NIM1K: variants seen among roughly 807,000 people sequenced by gnomAD.
NIM1K encodes serine/threonine-protein kinase NIM1.
NIM1K carries 35 observed loss-of-function variants against 37.1 expected under a neutral mutation model. The observed-to-expected ratio is 0.94, with a 90% CI of 0.72 to 1.25. NIM1K has a LOEUF of 1.25. Ranked by LOEUF, NIM1K falls within the 50% of genes most tolerant of loss-of-function variation. The pLI is 0.00. For synonymous variants in NIM1K, 234 were observed against 206.6 expected (o/e 1.13, Z -1.14); for missense variants, 564 against 548.0 (o/e 1.03, Z -0.29).
At chr5:43,227,073 T>G (rs1444263353) in intron 1 of NIM1K, among the ~76,000 whole-genome samples, 2 of 152,096 alleles carry the variant, frequency 1.3e-5, no homozygotes, top group East Asian at 3.9e-4. Context: ...TTTAAAAGAA[T>G]TGGTTCACCG....
intron 1 of NIM1K, among the ~76,000 whole-genome samples, chr5:43,224,329 G>T (rs1276062985): frequency 6.6e-6 from 1 of 151,770 alleles, no homozygotes; most frequent in Non-Finnish European, 1.5e-5. Flanking sequence ...GTACAATTAA[G>T]ATTTGTTAGG....
chr5:43,279,035 A>C (rs999318521), intron 3 of NIM1K, among the ~76,000 whole-genome samples: 3 of 152,224 alleles, frequency 2.0e-5, no homozygotes, highest in African/African-American at 7.2e-5. Context: ...AGAACAGAAG[A>C]GAATCCAGCA....
chr5:43,219,622 G>C (rs1415630340), intron 1 of NIM1K, among the ~76,000 whole-genome samples: 1 of 152,160 alleles, frequency 6.6e-6, no homozygotes, highest in Non-Finnish European at 1.5e-5. Flanking sequence ...TTATTGAGTT[G>C]TGTTACTTAC....
rs186329956 is a variant in NIM1K at position 43,265,278 on chromosome 5, T to C, written c.293-11779T>C. Among the ~76,000 whole-genome samples the C allele has an allele frequency of 9.8e-4, 149 of 152,366 alleles. No individual in the cohort carries two copies. In the Middle Eastern group the frequency reaches 0.014, roughly 14 times the overall value. On this transcript the variant is annotated intron_variant, in intron 2 of 3. Coordinates refer to ENST00000326035, the MANE Select transcript of NIM1K (RefSeq NM_153361.4). ...CCAATCAGACGTAGATTTGGTCTTT[T>C]CATATAGTCCCATATTTCTTGGAGG...
rs56934664 is a variant in NIM1K, at chr5:43,240,545, C to CTT, written c.-694-4522_-694-4521dup. 2.7e-3 allele frequency among the ~76,000 whole-genome samples: 366 copies of CTT among 136,744 alleles called. 9 individuals carry two copies. Among genetic ancestry groups the CTT allele is most frequent in the African/African-American group, 9.3e-3 (343 of 36,702 alleles). 89.7% of individuals were successfully genotyped at this position (136,744 alleles called of 152,430 possible). ...TAGGGATTCCCTCCTCTTTCTTACA[C>CTT]TTTTTTTTTTTTTTTTGAGATGCAT... On this transcript the variant is annotated intron_variant, in intron 1 of 3. Coordinates refer to ENST00000326035, the MANE Select transcript of NIM1K (RefSeq NM_153361.4).
chr5:43,280,174 G>A lies in NIM1K; in HGVS notation c.756G>A (p.Val252=). 6.2e-7 allele frequency: 1 copy of A among 1,614,186 alleles called. No homozygotes were observed. Among genetic ancestry groups the A allele is most frequent in the Non-Finnish European group, 8.5e-7 (1 of 1,180,028 alleles). The change falls in exon 4 of 4, where the codon GTG becomes GTA. Residue 252 remains valine (V), a synonymous_variant. Coordinates refer to ENST00000326035, the MANE Select transcript of NIM1K (RefSeq NM_153361.4). ...ACGAGCACTACATCGGCATTTACGT[G>A]GATATCTGGGCCTTGGGGGTGCTTT... is the stretch of plus-strand genomic sequence containing the variant. ...FRDEHYIGIY[V]DIWALGVLLY...
At chr5:43,208,292 A>AAG (rs1326155883) in intron 1 of NIM1K, among the ~76,000 whole-genome samples, 2 of 148,430 alleles carry the variant, frequency 1.3e-5, no homozygotes, top group Middle Eastern at 3.3e-3. Context: ...TAAATTACAA[A>AAG]AGAGAGAAAA....
At chr5:43,236,933 A>C (rs1752631550) in intron 1 of NIM1K, among the ~76,000 whole-genome samples, 1 of 152,222 alleles carries the variant, frequency 6.6e-6, no homozygotes, top group African/African-American at 2.4e-5. Context: ...CTGCATGGGG[A>C]TCTTGACATG....
rs369233525 is a variant in NIM1K, at chr5:43,214,813, CAAAAAAAA to C, written c.-695+22413_-695+22420del. Among the ~76,000 whole-genome samples the C allele has an allele frequency of 2.7e-3, 195 of 71,738 alleles. 1 individual carries two copies. The highest frequency in any genetic ancestry group is 0.01 in the African/African-American group (182 of 18,108). 47.1% of individuals were successfully genotyped at this position (71,738 alleles called of 152,430 possible). A position where few individuals can be genotyped will look rare whatever the true frequency, so the allele number is the denominator to read the frequency against. On this transcript the variant is annotated intron_variant, in intron 1 of 3. Coordinates refer to ENST00000326035, the MANE Select transcript of NIM1K (RefSeq NM_153361.4). ...CCTGGGCTAGAGCAAGACTCCGTCT[CAAAAAAAA>C]AAAAAAAAAACAAAAAAGAAAAAAG...
At chr5:43,209,076 A>G (rs1752167476) in intron 1 of NIM1K, among the ~76,000 whole-genome samples, 1 of 152,244 alleles carries the variant, frequency 6.6e-6, no homozygotes, top group Admixed American at 6.5e-5. Flanking sequence ...TTCTGCTGGA[A>G]GCGACTAACA....
chr5:43,244,940 T>G (rs979803602), intron 1 of NIM1K, 142 bp from the exon 2 acceptor site: 1 of 152,368 alleles, frequency 6.6e-6, no homozygotes. Flanking sequence ...AGATCACATG[T>G]AATCAAGCAT....
In NIM1K at chr5:43,252,550, C is replaced by G. The variant is rs557857726; in HGVS notation, c.292+6483C>G. On this transcript the variant is annotated intron_variant, in intron 2 of 3. Transcript: ENST00000326035. Reference sequence around the variant, plus strand: ...GAGAGTTTCAGTGCCAGGAGCAGCTCCCAGGACAGTAGTCTAAAAAATTGA... The same window carrying G: ...GAGAGTTTCAGTGCCAGGAGCAGCTGCCAGGACAGTAGTCTAAAAAATTGA... Among the ~76,000 whole-genome samples, 30 of 145,958 alleles carry G rather than the reference C, an allele frequency of 2.1e-4. No homozygotes were observed. In the East Asian group the frequency reaches 4.8e-3, roughly 23 times the overall value.
intron 1 of NIM1K, among the ~76,000 whole-genome samples, chr5:43,224,406 A>G (rs1752423997): frequency 7.2e-6 from 1 of 137,966 alleles, no homozygotes; most frequent in Admixed American, 7.8e-5. Context: ...GTGCCATTGC[A>G]CTCCAGCCTG....
intron 2 of NIM1K, among the ~76,000 whole-genome samples, chr5:43,255,812 C>T (rs1254576874): frequency 1.3e-5 from 2 of 150,334 alleles, no homozygotes; most frequent in African/African-American, 2.4e-5. Context: ...TTGAGGATGA[C>T]AGTTTTTAGA....
At chr5:43,198,237 CTTTCTTTCT>C (rs1164684931) in intron 1 of NIM1K, among the ~76,000 whole-genome samples, 8 of 119,202 alleles carry the variant, frequency 6.7e-5, no homozygotes, top group African/African-American at 2.5e-4. Context: ...TTCTTTCTTT[CTTTCTTTCT>C]TTTCTTTCTT....
chr5:43,217,958 C>CA (rs1452033101), intron 1 of NIM1K, among the ~76,000 whole-genome samples: 2 of 152,088 alleles, frequency 1.3e-5, no homozygotes, highest in African/African-American at 4.8e-5. Context: ...GTGATCCACC[C>CA]ACCTTGGCCT....
At chr5:43,238,729 G>A (rs929990354) in intron 1 of NIM1K, among the ~76,000 whole-genome samples, 1 of 151,826 alleles carries the variant, frequency 6.6e-6, no homozygotes, top group Non-Finnish European at 1.5e-5. Context: ...TCAAACGTAG[G>A]TTTCAGAAAG....
At chr5:43,251,689 G>T (rs1009637407) in intron 2 of NIM1K, among the ~76,000 whole-genome samples, 1 of 152,042 alleles carries the variant, frequency 6.6e-6, no homozygotes, top group East Asian at 1.9e-4. Flanking sequence ...TGATGAATTT[G>T]TTCCATCTTT....
intron 1 of NIM1K, among the ~76,000 whole-genome samples, chr5:43,209,510 T>G (rs1752173258): frequency 6.6e-6 from 1 of 151,958 alleles, no homozygotes. Flanking sequence ...AACAGTTGTT[T>G]GTGGTGATTT....
Sources: allele counts gnomAD v4.1 joint callset (sites outside exome capture counted in the v4.1 genomes callset), GRCh38; gene constraint gnomAD v4.1.1; transcripts MANE v1.5; gene names NCBI Gene and HGNC (gene_info 2026-07-23, HGNC 2026-07-21).